CAST: variants seen among roughly 807,000 people sequenced by gnomAD.
CAST encodes the protein MIR583 host.
CAST carries 76 observed loss-of-function variants against 119.6 expected under a neutral mutation model. The ratio of observed to expected loss-of-function variants is 0.64; its 90% confidence interval spans 0.53 to 0.77. The LOEUF is 0.77. Ranked by LOEUF, CAST falls within the 30% of genes least tolerant of loss-of-function variation. The pLI, the probability that CAST is intolerant of heterozygous loss-of-function variation, is 0.00. For synonymous variants in CAST, 319 were observed against 331.6 expected, an observed-to-expected ratio of 0.96 and a Z score of 0.41; for missense variants, 953 against 946.5, an observed-to-expected ratio of 1.01 and a Z score of -0.09.
chr5:96,328,875 A>G, the CAST span, among the ~76,000 whole-genome samples: 1 of 152,186 alleles, frequency 6.6e-6, no homozygotes, highest in African/African-American at 2.4e-5. Flanking sequence ...TCCAGTTTCC[A>G]TCTGAGATTC....
chr5:96,424,560 ACAAAATGAATT>A, the CAST span, among the ~76,000 whole-genome samples: 1 of 152,238 alleles, frequency 6.6e-6, no homozygotes, highest in African/African-American at 2.4e-5. Context: ...AATCATGAGA[ACAAAATGAATT>A]AATTCATATC....
the CAST span, among the ~76,000 whole-genome samples, chr5:96,333,766 G>T: frequency 2.0e-5 from 3 of 152,036 alleles, no homozygotes; most frequent in African/African-American, 7.2e-5. Flanking sequence ...AAGGGTGTCT[G>T]TTCCAACTGA....
upstream of CAST, among the ~76,000 whole-genome samples, chr5:96,660,740 T>C (rs186629465): frequency 1.3e-5 from 2 of 152,268 alleles, no homozygotes. Flanking sequence ...ATTACTGTAG[T>C]GGTGTGGTCA....
intron 1 of CAST, among the ~76,000 whole-genome samples, chr5:96,572,586 A>G (rs1463647821): frequency 1.3e-5 from 2 of 152,212 alleles, no homozygotes; most frequent in Non-Finnish European, 2.9e-5. Flanking sequence ...CTATAATGCT[A>G]AAGAGAGTAC....
chr5:96,248,394 G>A, the CAST span, among the ~76,000 whole-genome samples: 2 of 152,168 alleles, frequency 1.3e-5, no homozygotes, highest in Non-Finnish European at 2.9e-5. Flanking sequence ...CTAGGCTTTT[G>A]TGCCAAAGGG....
chr5:96,542,564 C>T (rs1293946768), intron 1 of CAST, among the ~76,000 whole-genome samples: 1 of 122,284 alleles, frequency 8.2e-6, no homozygotes, highest in Non-Finnish European at 1.7e-5. Flanking sequence ...TGATTATTTG[C>T]CATAAGGCAC....
chr5:96,373,271 T>C, the CAST span, among the ~76,000 whole-genome samples: 1 of 152,180 alleles, frequency 6.6e-6, no homozygotes, highest in Non-Finnish European at 1.5e-5. Context: ...GGCTGGAGAT[T>C]AGATGACAGA....
chr5:96,403,389 T>C, the CAST span, among the ~76,000 whole-genome samples: 1 of 152,190 alleles, frequency 6.6e-6, no homozygotes, highest in Non-Finnish European at 1.5e-5. Flanking sequence ...ACATTAGGTA[T>C]ATCTCCTAAT....
chr5:96,716,606 G>A (rs1033617428), intron 3 of CAST, among the ~76,000 whole-genome samples: 12 of 152,146 alleles, frequency 7.9e-5, no homozygotes, highest in African/African-American at 2.7e-4. Context: ...TATAAATGTT[G>A]TGAGGAAAGG....
chr5:96,621,907 G>A (rs887507958), intron 1 of CAST, among the ~76,000 whole-genome samples: 8 of 152,076 alleles, frequency 5.3e-5, no homozygotes, highest in African/African-American at 1.9e-4. Flanking sequence ...GAAGCTGAAA[G>A]GGGGCAGAGG....
chr5:96,261,275 A>C, the CAST span, among the ~76,000 whole-genome samples: 1 of 152,152 alleles, frequency 6.6e-6, no homozygotes, highest in Non-Finnish European at 1.5e-5. Context: ...ATGTAAACCT[A>C]CTCCAAAGTC....
the CAST span, among the ~76,000 whole-genome samples, chr5:96,512,891 C>T: frequency 6.6e-6 from 1 of 152,098 alleles, no homozygotes; most frequent in Admixed American, 6.6e-5. Context: ...CAGTTTTGTT[C>T]TGAAAACATG....
chr5:96,344,071 G>T, the CAST span, among the ~76,000 whole-genome samples: 1 of 152,198 alleles, frequency 6.6e-6, no homozygotes, highest in Non-Finnish European at 1.5e-5. Context: ...TTGTGACCTT[G>T]ATAGAACTAA....
intron 1 of CAST, among the ~76,000 whole-genome samples, chr5:96,597,027 T>C (rs1747063553): frequency 6.6e-6 from 1 of 152,188 alleles, no homozygotes; most frequent in African/African-American, 2.4e-5. Flanking sequence ...AAAGGCTCTA[T>C]CTCCTAATAC....
chr5:96,248,421 A>G, the CAST span, among the ~76,000 whole-genome samples: 2 of 152,332 alleles, frequency 1.3e-5, no homozygotes, highest in African/African-American at 4.8e-5. Flanking sequence ...AACGTGTGCC[A>G]TATATTTGGG....
chr5:96,736,129 A>G (rs1390926342), intron 9 of CAST, 43 bp from the exon 10 acceptor site: 1 of 1,224,372 alleles, frequency 8.2e-7, no homozygotes, highest in Non-Finnish European at 1.2e-6. Flanking sequence ...ATTGAGTTTT[A>G]TTAAGGTATG....
At chr5:96,733,542 A>C (rs975887190) in intron 9 of CAST, among the ~76,000 whole-genome samples, 1 of 152,238 alleles carries the variant, frequency 6.6e-6, no homozygotes, top group East Asian at 1.9e-4. Context: ...TGGAACTTGC[A>C]GCAAGTCATT....
At chr5:95,997,962 G>GTTTTCT in the CAST span, among the ~76,000 whole-genome samples, 4 of 111,698 alleles carry the variant, frequency 3.6e-5, no homozygotes, top group Non-Finnish European at 3.3e-5. Flanking sequence ...TTTGAGAGAG[G>GTTTTCT]GTTTTTTTTT....
chr5:96,561,800 T>TTTTTTTTTTTTG (rs1561417194), intron 1 of CAST, among the ~76,000 whole-genome samples: 11 of 98,906 alleles, frequency 1.1e-4, no homozygotes, highest in East Asian at 8.8e-4. Flanking sequence ...TTTTTTGTTT[T>TTTTTTTTTTTTG]TTTTTTTTTT....
Sources: gnomAD v4.1 joint callset for allele counts (sites outside exome capture counted in the v4.1 genomes callset) on GRCh38, gnomAD v4.1.1 for gene constraint, MANE v1.5 for transcripts, NCBI Gene and HGNC (gene_info 2026-07-23, HGNC 2026-07-21) for gene names.